Variants in CPHXL observed in about 807,000 individuals in gnomAD.
CPHXL encodes cytoplasmic polyadenylated homeobox like.
At chr16:75,721,393 A>C (rs550786107) in intron 1 of CPHXL, among the ~76,000 whole-genome samples, 27 of 152,340 alleles carry the variant, frequency 1.8e-4, no homozygotes, top group African/African-American at 6.3e-4. Context: ...GCTCAAAATA[A>C]AGGGATGGAG....
chr16:75,716,990 T>C (rs565200587), intron 2 of CPHXL, among the ~76,000 whole-genome samples: 14 of 152,338 alleles, frequency 9.2e-5, no homozygotes, highest in African/African-American at 3.4e-4. Flanking sequence ...GACACACCTG[T>C]CCCTCCCTAG....
At position 75,726,469 on chromosome 16, in the gene CPHXL, G is replaced by A. The variant is rs557287848; in HGVS notation, c.-27C>T. ...TTGGGGTAGAAGACCTGGACTTCAC[G>A]GAGACCAGCAAGCAACTGAGATCAG... On this transcript the variant is annotated 5_prime_UTR_variant, in exon 1 of 3. Transcript: ENST00000640559. 111 of 398,568 alleles carry A rather than the reference G, an allele frequency of 2.8e-4. No homozygotes were observed. The highest frequency in any genetic ancestry group is 4.4e-4 in the Non-Finnish European group (99 of 226,062). 24.7% of individuals were successfully genotyped at this position (398,568 alleles called of 1,614,324 possible).
At chr16:75,722,310 T>C (rs1959489476) in intron 1 of CPHXL, among the ~76,000 whole-genome samples, 1 of 151,930 alleles carries the variant, frequency 6.6e-6, no homozygotes. Flanking sequence ...AATCAATGAA[T>C]CCAGGACCTG....
chr16:75,719,336 G>A (rs1027967619), intron 1 of CPHXL, among the ~76,000 whole-genome samples: 1 of 152,200 alleles, frequency 6.6e-6, no homozygotes. Context: ...CAAGGGGTCA[G>A]GGAATTCCCT....
In CPHXL at chr16:75,714,496, G is replaced by C; in HGVS notation, c.946C>G (p.Gln316Glu). Residue 316 changes from glutamine (Q) to glutamate (E), a missense_variant, in exon 3 of 3, where the codon CAG becomes GAG. Coordinates refer to ENST00000640559, the MANE Select transcript of CPHXL (RefSeq NM_001355613.1). ...TAATTCTGAGGCTGTTGGTGCTGCT[G>C]CAGGTGATACTGCCAATCATTCTGC... ...QQQNDWQYHL[Q>E]QHQQPQNYLE... 2.5e-6 allele frequency: 1 copy of C among 398,670 alleles called. No individual in the cohort carries two copies. The highest frequency in any genetic ancestry group is 4.4e-6 in the Non-Finnish European group (1 of 226,092). 24.7% of individuals were successfully genotyped at this position (398,670 alleles called of 1,614,324 possible).
At chr16:75,722,590 G>T (rs1262290566) in intron 1 of CPHXL, among the ~76,000 whole-genome samples, 1 of 152,146 alleles carries the variant, frequency 6.6e-6, no homozygotes, top group African/African-American at 2.4e-5. Context: ...CCAATAACAG[G>T]CTCTGAAATT....
intron 2 of CPHXL, among the ~76,000 whole-genome samples, chr16:75,717,502 G>C (rs1045690258): frequency 6.6e-6 from 1 of 152,122 alleles, no homozygotes; most frequent in Non-Finnish European, 1.5e-5. Context: ...ACCATCTCTA[G>C]ATGACTTACA....
At chr16:75,717,908 C>T (rs969444628) in intron 2 of CPHXL, among the ~76,000 whole-genome samples, 6 of 152,202 alleles carry the variant, frequency 3.9e-5, no homozygotes, top group Non-Finnish European at 5.9e-5. Context: ...CTACCTCCAT[C>T]TGTACTTATT....
At chr16:75,715,555 G>C (rs542398578) in intron 2 of CPHXL, among the ~76,000 whole-genome samples, 1 of 152,144 alleles carries the variant, frequency 6.6e-6, no homozygotes, top group Non-Finnish European at 1.5e-5. Flanking sequence ...TTCACTAAGA[G>C]ACCCACTCTG....
At chr16:75,725,329 C>T (rs1206225226) in intron 1 of CPHXL, among the ~76,000 whole-genome samples, 1 of 152,152 alleles carries the variant, frequency 6.6e-6, no homozygotes, top group Non-Finnish European at 1.5e-5. Flanking sequence ...CCCTCTGTCG[C>T]CTAGGCTGGA....
chr16:75,723,784 A>G (rs556832665), intron 1 of CPHXL, among the ~76,000 whole-genome samples: 21 of 151,744 alleles, frequency 1.4e-4, no homozygotes, highest in Middle Eastern at 3.4e-3. Context: ...AAAAGAGCCC[A>G]CATTGCCAAG....
chr16:75,724,932 A>G (rs1390988735), intron 1 of CPHXL, among the ~76,000 whole-genome samples: 3 of 152,260 alleles, frequency 2.0e-5, no homozygotes, highest in African/African-American at 7.2e-5. Flanking sequence ...ATACCACAGA[A>G]TACTATGCAG....
At position 75,718,389 on chromosome 16, in the gene CPHXL, C is replaced by A; in HGVS notation, c.95G>T (p.Arg32Leu). 2.5e-6 allele frequency: 1 copy of A among 398,628 alleles called. No homozygotes were observed. Among genetic ancestry groups the A allele is most frequent in the Non-Finnish European group, 4.4e-6 (1 of 226,154 alleles). 24.7% of individuals were successfully genotyped at this position (398,628 alleles called of 1,614,324 possible). Residue 32 changes from arginine (R) to leucine (L), a missense_variant, in exon 2 of 3, where the codon CGA becomes CTA. Arg to Leu is a moderately radical substitution (Grantham distance 102, BLOSUM62 -2). Transcript: ENST00000640559. Reference sequence around the variant, plus strand: ...CAGTAATTCTTCAGAAAATTTATGTCGGTGTTTTGTTTTTCTTTTATTCTT... The same window carrying A: ...CAGTAATTCTTCAGAAAATTTATGTAGGTGTTTTGTTTTTCTTTTATTCTT... Reference protein sequence around the residue: ...QTKNKRKTKHRHKFSEELLQE... With the variant: ...QTKNKRKTKHLHKFSEELLQE...
At position 75,714,302 on chromosome 16, in the gene CPHXL, G is replaced by A; in HGVS notation, c.1140C>T (p.Asp380=). The A allele has an allele frequency of 2.5e-6, 1 of 398,648 alleles. No homozygotes were observed. Among genetic ancestry groups the A allele is most frequent in the Non-Finnish European group, 4.4e-6 (1 of 226,102 alleles). 24.7% of individuals were successfully genotyped at this position (398,648 alleles called of 1,614,324 possible). A position where few individuals can be genotyped will look rare whatever the true frequency, so the allele number is the denominator to read the frequency against. ...CTTGCCCCAGAGGCAGAAGGGGTGAGTCGGCAGCTATTTGGAGAGACATGT... is the reference window on the plus strand; with the variant it reads ...CTTGCCCCAGAGGCAGAAGGGGTGAATCGGCAGCTATTTGGAGAGACATGT... ...LQHMSLQIAA[D]SPLLPLGQDM... The change falls in exon 3 of 3, where the codon GAC becomes GAT. Residue 380 remains aspartate, a synonymous_variant. Transcript: ENST00000640559.
At chr16:75,717,897 T>C (rs1225105142) in intron 2 of CPHXL, among the ~76,000 whole-genome samples, 8 of 152,204 alleles carry the variant, frequency 5.3e-5, no homozygotes, top group Admixed American at 2.0e-4. Context: ...TCCCCTGCAT[T>C]CTACCTCCAT....
intron 1 of CPHXL, among the ~76,000 whole-genome samples, chr16:75,721,079 C>T (rs1959470329): frequency 6.6e-6 from 1 of 152,126 alleles, no homozygotes; most frequent in Non-Finnish European, 1.5e-5. Context: ...ACCAGGCCTG[C>T]CCTAAAAGAG....
intron 1 of CPHXL, 129 bp downstream of exon 1, chr16:75,726,289 A>G: frequency 2.5e-6 from 1 of 397,096 alleles, no homozygotes; most frequent in Non-Finnish European, 4.4e-6. Flanking sequence ...CCCTAACACA[A>G]TTTACCGGTG....
rs1373130124 is a variant in CPHXL, at chr16:75,718,309, T to C, written c.175A>G (p.Lys59Glu). ...ENCYPDYTTRKTLAIKFDCPV... is the reference protein window; with the variant it reads ...ENCYPDYTTRETLAIKFDCPV... ...CAATCAAATTTGATGGCCAGTGTTT[T>C]CCTAGTTGTGTAATCGGGATAACAG... Residue 59 changes from lysine to glutamate, a missense_variant, in exon 2 of 3, where the codon AAA becomes GAA. Coordinates refer to ENST00000640559, the MANE Select transcript of CPHXL (RefSeq NM_001355613.1). 7 of 398,766 alleles carry C rather than the reference T, an allele frequency of 1.8e-5. No individual in the cohort carries two copies. The highest frequency in any genetic ancestry group is 4.4e-6 in the Non-Finnish European group (1 of 226,224). The allele number at this position is 398,766 out of a possible 1,614,324, so 24.7% of individuals were successfully genotyped here. A position where few individuals can be genotyped will look rare whatever the true frequency, so the allele number is the denominator to read the frequency against.
At chr16:75,715,895 G>A (rs1040143335) in intron 2 of CPHXL, among the ~76,000 whole-genome samples, 4 of 151,670 alleles carry the variant, frequency 2.6e-5, no homozygotes, top group Non-Finnish European at 4.4e-5. Context: ...ACGGGGTTTC[G>A]CTATGTTGGC....
Sources: gnomAD v4.1 joint callset for allele counts (sites outside exome capture counted in the v4.1 genomes callset) on GRCh38, gnomAD v4.1.1 for gene constraint, MANE v1.5 for transcripts, NCBI Gene and HGNC (gene_info 2026-07-23, HGNC 2026-07-21) for gene names.